Variants in TOM1L2 observed in about 807,000 individuals in gnomAD.
The protein encoded by TOM1L2 is TOM1-like protein 2.
A neutral mutation model predicts 67.9 loss-of-function variants in TOM1L2; 31 were observed. That is an observed-to-expected ratio of 0.46 (90% CI 0.34 to 0.62). The LOEUF (loss-of-function observed/expected upper bound fraction) is 0.62, where lower values mean the gene tolerates loss of function less well. TOM1L2 is among the 20% of genes least tolerant of loss of function. TOM1L2 has a pLI of 0.01. For synonymous variants in TOM1L2, 256 were observed against 254.0 expected (o/e 1.01, Z -0.07); for missense variants, 606 against 663.5 (o/e 0.91, Z 0.95).
chr17:17,897,966 C>T (rs947604806), intron 3 of TOM1L2, among the ~76,000 whole-genome samples: 1 of 146,866 alleles, frequency 6.8e-6, no homozygotes, highest in Non-Finnish European at 1.5e-5. Flanking sequence ...CACTCTGTTG[C>T]CCAAGCTGGA....
intron 8 of TOM1L2, among the ~76,000 whole-genome samples, chr17:17,867,651 T>C (rs9907246): frequency 0.47 from 71,608 of 152,070 alleles, 19,114 homozygotes; most frequent in Non-Finnish European, 0.63. Flanking sequence ...CCAAATGCCA[T>C]GGGCAGCGGT....
At chr17:17,954,086 G>T (rs1294817794) in intron 1 of TOM1L2, among the ~76,000 whole-genome samples, 1 of 152,206 alleles carries the variant, frequency 6.6e-6, no homozygotes, top group Non-Finnish European at 1.5e-5. Flanking sequence ...GAGGCTTCTG[G>T]GCCAGCTTTG....
chr17:17,863,862 T>C (rs879608072), intron 10 of TOM1L2, among the ~76,000 whole-genome samples: 6 of 151,866 alleles, frequency 4.0e-5, no homozygotes, highest in Non-Finnish European at 8.8e-5. Flanking sequence ...ACTACACTTT[T>C]GTTGTTGTTG....
intron 2 of TOM1L2, among the ~76,000 whole-genome samples, chr17:17,900,324 A>G (rs1050326482): frequency 1.3e-5 from 2 of 152,028 alleles, no homozygotes; most frequent in African/African-American, 4.8e-5. Flanking sequence ...GTTCAAGACC[A>G]GCCTGGCCAA....
chr17:17,956,856 C>T (rs2041479407), intron 1 of TOM1L2, among the ~76,000 whole-genome samples: 2 of 152,208 alleles, frequency 1.3e-5, no homozygotes, highest in Non-Finnish European at 2.9e-5. Context: ...CCTCTCCCTC[C>T]ACATCTCCCT....
intron 1 of TOM1L2, among the ~76,000 whole-genome samples, chr17:17,964,520 C>A (rs745858209): frequency 6.6e-5 from 10 of 152,226 alleles, no homozygotes; most frequent in Non-Finnish European, 1.3e-4. Flanking sequence ...TGAGGACGCA[C>A]ATTGTGGAGA....
intron 1 of TOM1L2, among the ~76,000 whole-genome samples, chr17:17,943,501 G>A (rs1450179576): frequency 6.6e-6 from 1 of 152,198 alleles, no homozygotes; most frequent in East Asian, 1.9e-4. Context: ...ATCCAAAAGA[G>A]AATGTAGGAA....
In TOM1L2 at chr17:17,951,613, A is replaced by C. The variant is rs141977420; in HGVS notation, c.52+20649T>G. Among the ~76,000 whole-genome samples the C allele has an allele frequency of 4.0e-3, 606 of 152,266 alleles. 2 individuals are homozygous for C. Among genetic ancestry groups the C allele is most frequent in the Non-Finnish European group, 7.0e-3 (479 of 68,012 alleles). On this transcript the variant is annotated intron_variant, in intron 1 of 14. Coordinates refer to ENST00000379504, the MANE Select transcript of TOM1L2 (RefSeq NM_001082968.2). Reference sequence around the variant, plus strand: ...GAATGGTGACCAAAGGGTTTTTAGCAAAAAACCTTTCAAGAAACGTAAAGG... The same window carrying C: ...GAATGGTGACCAAAGGGTTTTTAGCCAAAAACCTTTCAAGAAACGTAAAGG...
At chr17:17,849,994 TC>T (rs1035014956) in intron 13 of TOM1L2, among the ~76,000 whole-genome samples, 63 of 152,306 alleles carry the variant, frequency 4.1e-4, no homozygotes, top group African/African-American at 1.5e-3. Context: ...AGGCCTGCTG[TC>T]CTGGTGTGGG....
Position 17,849,136 on chromosome 17 carries a change from G to A in TOM1L2, c.1339-277C>T, listed in dbSNP as rs3737121. The stretch of plus-strand genomic sequence containing the variant: ...AGGCTGGAAAGAAAACTCCAAAAAC[G>A]GTGCAGGCTGGTTCTCCAGCCTGGG... On this transcript the variant is annotated intron_variant, in intron 13 of 14. Coordinates refer to ENST00000379504, the MANE Select transcript of TOM1L2 (RefSeq NM_001082968.2). 6.6e-5 allele frequency among the ~76,000 whole-genome samples: 10 copies of A among 152,328 alleles called. No individual in the cohort carries two copies. In the East Asian group the frequency reaches 7.7e-4, roughly 12 times the overall value.
chr17:17,914,912 CAAT>C (rs971299495), intron 1 of TOM1L2, among the ~76,000 whole-genome samples: 4 of 152,118 alleles, frequency 2.6e-5, no homozygotes, highest in African/African-American at 9.7e-5. Context: ...GTAAATAAAA[CAAT>C]GAGGCTTTTT....
chr17:17,933,083 C>A (rs1413530638), intron 1 of TOM1L2, among the ~76,000 whole-genome samples: 2 of 152,060 alleles, frequency 1.3e-5, no homozygotes. Context: ...TAGAAGCAGG[C>A]AGTATAGAGC....
At chr17:17,867,446 C>G (rs2036917522) in intron 8 of TOM1L2, among the ~76,000 whole-genome samples, 1 of 152,128 alleles carries the variant, frequency 6.6e-6, no homozygotes, top group African/African-American at 2.4e-5. Flanking sequence ...GAGGCCTGGG[C>G]CAGTCATCGA....
intron 2 of TOM1L2, 125 bp downstream of exon 2, chr17:17,907,322 C>G (rs1193859765): frequency 1.3e-6 from 1 of 777,420 alleles, no homozygotes; most frequent in Non-Finnish European, 2.0e-6. Flanking sequence ...TCAGCTTATT[C>G]GATGCCAAAC....
chr17:17,857,813 A>C, intron 12 of TOM1L2: 1 of 1,535,310 alleles, frequency 6.5e-7, no homozygotes, highest in Non-Finnish European at 8.7e-7. Context: ...TCCAGGTCAG[A>C]CTCCCCACCT....
chr17:17,924,709 G>A (rs144067613), intron 1 of TOM1L2, among the ~76,000 whole-genome samples: 253 of 152,236 alleles, frequency 1.7e-3, no homozygotes, highest in African/African-American at 5.9e-3. Flanking sequence ...AGGCTGCAGC[G>A]AACCGTGATC....
At chr17:17,958,042 A>G (rs1378157603) in intron 1 of TOM1L2, among the ~76,000 whole-genome samples, 1 of 150,888 alleles carries the variant, frequency 6.6e-6, no homozygotes, top group African/African-American at 2.4e-5. Context: ...GTAAGTCGAG[A>G]TTGTGCCACT....
intron 1 of TOM1L2, among the ~76,000 whole-genome samples, chr17:17,908,942 G>A (rs1204210539): frequency 1.3e-5 from 2 of 152,146 alleles, no homozygotes; most frequent in Non-Finnish European, 2.9e-5. Context: ...CAGCACTTTG[G>A]GAGGCCAAGG....
intron 1 of TOM1L2, among the ~76,000 whole-genome samples, chr17:17,934,437 G>A (rs1021492399): frequency 1.3e-4 from 20 of 152,088 alleles, no homozygotes; most frequent in African/African-American, 4.8e-4. Flanking sequence ...GTGAAACCCT[G>A]TCTCAAAAAT....
Sources: allele counts gnomAD v4.1 joint callset (sites outside exome capture counted in the v4.1 genomes callset), GRCh38; gene constraint gnomAD v4.1.1; transcripts MANE v1.5; gene names NCBI Gene and HGNC (gene_info 2026-07-23, HGNC 2026-07-21).